Variants in TAF1 observed in about 807,000 individuals in gnomAD.
The protein encoded by TAF1 is TATA-box binding protein associated factor 1.
Under a neutral mutation model 138.5 loss-of-function variants are expected in TAF1, and 2 were observed. The ratio of observed to expected loss-of-function variants is 0.01; its 90% CI spans 0.01 to 0.05. The LOEUF (loss-of-function observed/expected upper bound fraction) is 0.05, where lower values mean the gene tolerates loss of function less well. TAF1 is among the 10% of genes least tolerant of loss of function. The probability of loss-of-function intolerance (pLI) is 1.00; values close to 1 mark genes in which losing one functional copy is unlikely to be tolerated. For synonymous variants in TAF1, 437 were observed against 503.2 expected (o/e 0.87, Z 1.76); for missense variants, 709 against 1,478.0 (o/e 0.48, Z 8.53).
chrX:71,474,669 G>A (rs1289658110), intron 13 of TAF1, among the ~76,000 whole-genome samples: 1 of 112,080 alleles, frequency 8.9e-6, no homozygotes, highest in Non-Finnish European at 1.9e-5. Flanking sequence ...CAGTGGAAAA[G>A]AACAGACAAT....
At chrX:71,419,852 A>G (rs1462701902) in intron 28 of TAF1, among the ~76,000 whole-genome samples, 1 of 111,778 alleles carries the variant, frequency 8.9e-6, no homozygotes, top group Admixed American at 9.4e-5. Context: ...CCCAGAGTGA[A>G]TAAGCAGCCT....
At chrX:71,516,641 TAA>T (rs35879951) in intron 13 of TAF1, among the ~76,000 whole-genome samples, 375 of 83,561 alleles carry the variant, frequency 4.5e-3, no homozygotes, top group African/African-American at 0.015. Flanking sequence ...GACCCCGTCT[TAA>T]AAAAAAAAAA....
chrX:71,513,303 CAG>C (rs1390066249), intron 13 of TAF1, among the ~76,000 whole-genome samples: 1 of 111,593 alleles, frequency 9.0e-6, no homozygotes, highest in Non-Finnish European at 1.9e-5. Context: ...ATTTGGGACA[CAG>C]GGGGATGGGT....
intron 13 of TAF1, among the ~76,000 whole-genome samples, chrX:71,513,147 T>C (rs958698949): frequency 8.9e-6 from 1 of 111,871 alleles, no homozygotes; most frequent in Non-Finnish European, 1.9e-5. Flanking sequence ...CTGATTAAGA[T>C]TCAGGATTAA....
chrX:71,449,833 C>T (rs762717088), intron 32 of TAF1, among the ~76,000 whole-genome samples: 7 of 112,082 alleles, frequency 6.2e-5, no homozygotes, highest in Admixed American at 9.4e-5. Context: ...AGTGCAGTGG[C>T]GTGATCATGG....
At position 71,397,129 on chromosome X, in the gene TAF1, G is replaced by A. The variant is rs1022319911; in HGVS notation, c.3407-124G>A. ...TATTCTTGGGGCTGATGATGACTTT[G>A]ATGCTTTTTGTAGAACCATAGTTTT... On this transcript the variant is annotated intron_variant, in intron 22 of 37. Transcript: ENST00000423759. The A allele has an allele frequency of 1.2e-5, 9 of 720,589 alleles. No homozygotes were observed. In the African/African-American group the frequency reaches 1.5e-4, roughly 12 times the overall value. 59.4% of individuals were successfully genotyped at this position (720,589 alleles called of 1,213,427 possible). A position where few individuals can be genotyped will look rare whatever the true frequency, so the allele number is the denominator to read the frequency against.
Position 71,463,982 on chromosome X carries a change from A to G in TAF1, c.5558A>G (p.Asp1853Gly), listed in dbSNP as rs1410224152. The change falls in exon 38 of 38, where the codon GAC becomes GGC. Residue 1853 changes from aspartate to glycine, a missense_variant. Physicochemically the swap from Asp to Gly is moderately conservative, Grantham distance 94. Around this residue, in one of 14 missense-constraint regions of TAF1, gnomAD observed 123 missense variants for 174.7 expected, o/e 0.70. Coordinates refer to ENST00000423759, the MANE Select transcript of TAF1 (RefSeq NM_004606.5). ...CTAAGCCAGGTCCACCTGTCAGAGGACGAGGAGGACAGTGAGGATTTCCAC... is the reference window on the plus strand; with the variant it reads ...CTAAGCCAGGTCCACCTGTCAGAGGGCGAGGAGGACAGTGAGGATTTCCAC... ...SVLSQVHLSE[D>G]EEDSEDFHSI... The G allele has an allele frequency of 3.3e-6, 4 of 1,202,581 alleles. No homozygotes were observed. The highest frequency in any genetic ancestry group is 4.5e-6 in the Non-Finnish European group (4 of 890,655).
Position 71,392,526 on chromosome X carries a change from C to A in TAF1, c.2782-43C>A, listed in dbSNP as rs374868436. ...TTGTAGATATTGGCTAGACATAGAA[C>A]AAATGTTTCCCACTGCCCTGAGAAT... On this transcript the variant is annotated intron_variant, in intron 18 of 37. Transcript: ENST00000423759. 5.4e-6 allele frequency: 6 copies of A among 1,118,820 alleles called. No homozygotes were observed. The South Asian group carries it at 1.2e-4, about 23-fold the overall frequency. The allele number at this position is 1,118,820 out of a possible 1,213,427, so 92.2% of individuals were successfully genotyped here.
At chrX:71,446,778 G>A (rs1282267741) in intron 32 of TAF1, among the ~76,000 whole-genome samples, 1 of 111,979 alleles carries the variant, frequency 8.9e-6, no homozygotes, top group African/African-American at 3.2e-5. Context: ...TATTACCCCA[G>A]TTCCCTCTGG....
intron 13 of TAF1, among the ~76,000 whole-genome samples, chrX:71,523,595 A>C (rs2039943217): frequency 8.9e-6 from 1 of 112,257 alleles, no homozygotes; most frequent in Admixed American, 9.6e-5. Context: ...TATGACAGAG[A>C]ACAGTATTTA....
intron 13 of TAF1, among the ~76,000 whole-genome samples, chrX:71,488,267 G>A (rs1331511892): frequency 1.1e-5 from 1 of 89,345 alleles, no homozygotes; most frequent in South Asian, 5.8e-4. Flanking sequence ...TTTTTGAGAC[G>A]GAGTCTCAGT....
chrX:71,514,127 G>T (rs891073922), intron 13 of TAF1, among the ~76,000 whole-genome samples: 3 of 111,433 alleles, frequency 2.7e-5, no homozygotes, highest in Non-Finnish European at 5.6e-5. Flanking sequence ...CACCGTGAAG[G>T]TCCACGGCTT....
At position 71,369,541 on chromosome X, in the gene TAF1, G is replaced by C. The variant is rs1381620662; in HGVS notation, c.352+1371G>C. 4.5e-5 allele frequency among the ~76,000 whole-genome samples: 5 copies of C among 111,045 alleles called. No homozygotes were observed. In the Admixed American group the frequency reaches 4.8e-4, roughly 11 times the overall value. On this transcript the variant is annotated intron_variant, in intron 3 of 37. Transcript: ENST00000423759. The stretch of plus-strand genomic sequence containing the variant: ...AGCTAGTAGTAGACTGACTAATTTA[G>C]CTCAGTTCGTTAGACATTGTTTGAG...
intron 13 of TAF1, among the ~76,000 whole-genome samples, chrX:71,473,706 TAAC>T (rs766622319): frequency 3.7e-5 from 4 of 108,505 alleles, no homozygotes; most frequent in Non-Finnish European, 7.6e-5. Flanking sequence ...AAAACAACAA[TAAC>T]AACAACAACA....
intron 32 of TAF1, among the ~76,000 whole-genome samples, chrX:71,433,271 G>A (rs757693619): frequency 6.2e-5 from 7 of 112,126 alleles, no homozygotes; most frequent in South Asian, 3.7e-4. Context: ...GCAGGGATTT[G>A]GATAGGTTGT....
intron 32 of TAF1, among the ~76,000 whole-genome samples, chrX:71,449,720 G>A (rs1358482341): frequency 8.9e-6 from 1 of 112,006 alleles, no homozygotes; most frequent in Non-Finnish European, 1.9e-5. Context: ...CAGGCTTGGT[G>A]AAGGAGGCCT....
chrX:71,413,965 A>G (rs1391550249), intron 28 of TAF1: 3 of 111,005 alleles, frequency 2.7e-5, no homozygotes, highest in African/African-American at 9.8e-5. Context: ...TCTGGACGCT[A>G]TAATTGTCAA....
chrX:71,368,281 G>A, intron 3 of TAF1, 111 bp downstream of exon 3: 1 of 798,049 alleles, frequency 1.3e-6, no homozygotes, highest in South Asian at 2.7e-5. Context: ...TGCTCTCTAT[G>A]CCTTTGCTTT....
At chrX:71,419,059 G>A (rs1286124122) in intron 28 of TAF1, among the ~76,000 whole-genome samples, 2 of 111,413 alleles carry the variant, frequency 1.8e-5, no homozygotes, top group Non-Finnish European at 3.8e-5. Context: ...GAGCCACCAC[G>A]CCCAGCCCAG....
Sources: allele counts gnomAD v4.1 joint callset (sites outside exome capture counted in the v4.1 genomes callset), GRCh38; gene constraint gnomAD v4.1.1; regional missense constraint gnomAD v4.1.1; transcripts MANE v1.5; gene names NCBI Gene and HGNC (gene_info 2026-07-23, HGNC 2026-07-21).